Variants in HEATR1 observed in about 807,000 individuals in gnomAD.
The protein encoded by HEATR1 is HEAT repeat-containing protein 1.
HEATR1 carries 77 observed loss-of-function variants against 248.2 expected under a neutral mutation model. The ratio of observed to expected loss-of-function variants is 0.31; its 90% CI spans 0.26 to 0.37. HEATR1 has a LOEUF of 0.37. Among genes scored for constraint, HEATR1 ranks in the 10% least tolerant of loss-of-function variants. The pLI, the probability that HEATR1 is intolerant of heterozygous loss-of-function variation, is 1.00. For synonymous variants in HEATR1, 897 were observed against 923.1 expected, an observed-to-expected ratio of 0.97 and a Z score of 0.51; for missense variants, 2,420 against 2,504.9, an observed-to-expected ratio of 0.97 and a Z score of 0.72.
At chr1:236,588,889 C>T (rs768948) in intron 12 of HEATR1, among the ~76,000 whole-genome samples, 91,901 of 152,064 alleles carry the variant, frequency 0.6, 29,461 homozygotes, top group Non-Finnish European at 0.71. Context: ...GGTGGGAGGA[C>T]TGCTTAAGCC....
intron 5 of HEATR1, among the ~76,000 whole-genome samples, 192 bp downstream of exon 5, chr1:236,597,686 A>G (rs1664213184): frequency 7.8e-6 from 1 of 127,688 alleles, no homozygotes; most frequent in African/African-American, 2.9e-5. Context: ...TTTGGTGATA[A>G]AAGACTGATT....
rs377284390 is a variant in HEATR1 at position 236,574,737 on chromosome 1, A to G, written c.3251T>C (p.Ile1084Thr). Residue 1084 changes from isoleucine to threonine, a missense_variant, in exon 23 of 45, where the codon ATA (isoleucine) becomes ACA (threonine). Physicochemically the swap from Ile to Thr is moderately conservative, Grantham distance 89. Transcript: ENST00000366582. ...LLNEDPKSLD[I>T]FIKAVHTTKE... Reference sequence around the variant, plus strand: ...TGTTGTGTGCACAGCTTTTATAAATATATCTAGACTCTTCGGATCCTCATT... The same window carrying G: ...TGTTGTGTGCACAGCTTTTATAAATGTATCTAGACTCTTCGGATCCTCATT... 3.1e-5 allele frequency: 50 copies of G among 1,613,716 alleles called. No homozygotes were observed. The highest frequency in any genetic ancestry group is 5.3e-5 in the African/African-American group (4 of 74,904).
At chr1:236,570,555 T>C (rs1183178746) in intron 28 of HEATR1, among the ~76,000 whole-genome samples, 1 of 152,064 alleles carries the variant, frequency 6.6e-6, no homozygotes, top group Non-Finnish European at 1.5e-5. Flanking sequence ...GTGATGAAAA[T>C]ACTCTTCAAG....
chr1:236,591,870 G>T (rs2794760), intron 11 of HEATR1, 123 bp downstream of exon 11: 390,288 of 582,046 alleles, frequency 0.67, 134,259 homozygotes, highest in Non-Finnish European at 0.72. Context: ...GCAAACTGTA[G>T]AAGGTTATCT....
At chr1:236,562,990 C>CCTACACTGATCTCTAGATAGTGT (rs1353777622) in intron 32 of HEATR1, among the ~76,000 whole-genome samples, 1 of 152,190 alleles carries the variant, frequency 6.6e-6, no homozygotes, top group African/African-American at 2.4e-5. Flanking sequence ...CAGATCACAA[C>CCTACACTGATCTCTAGATAGTGT]CTACACTGAT....
At chr1:236,551,019 A>G in intron 44 of HEATR1, 29 bp from the exon 45 acceptor site, 1 of 1,519,080 alleles carries the variant, frequency 6.6e-7, no homozygotes, top group Non-Finnish European at 8.9e-7. Context: ...AATCAAAATT[A>G]AAATCTGAGT....
intron 19 of HEATR1, among the ~76,000 whole-genome samples, chr1:236,582,221 CAGCCT>C (rs1158304512): frequency 2.0e-5 from 3 of 151,928 alleles, no homozygotes; most frequent in Admixed American, 1.3e-4. Context: ...TCTCCTGCCT[CAGCCT>C]CCCGAGTAGC....
At chr1:236,578,437 GTGAAA>G (rs1663623919) in intron 20 of HEATR1, among the ~76,000 whole-genome samples, 1 of 152,220 alleles carries the variant, frequency 6.6e-6, no homozygotes, top group Admixed American at 6.5e-5. Flanking sequence ...CAATTATGAA[GTGAAA>G]ACGCTAGCTT....
chr1:236,579,266 A>G (rs1479277089), intron 20 of HEATR1, among the ~76,000 whole-genome samples: 1 of 152,226 alleles, frequency 6.6e-6, no homozygotes. Flanking sequence ...AGCCCCCTGC[A>G]GCTGCAATGT....
At position 236,563,455 on chromosome 1, in the gene HEATR1, G is replaced by C. The variant is rs573611026; in HGVS notation, c.4599+1043C>G. The stretch of plus-strand genomic sequence containing the variant: ...CACCACCACGCCCGGCTAATTTTTT[G>C]TATTTTTTAGTAGAGACCATGTTAG... On this transcript the variant is annotated intron_variant, in intron 32 of 44. Coordinates refer to ENST00000366582, the MANE Select transcript of HEATR1 (RefSeq NM_018072.6). Among the ~76,000 whole-genome samples the C allele has an allele frequency of 2.0e-5, 3 of 151,890 alleles. No individual in the cohort carries two copies. In the South Asian group the frequency reaches 6.2e-4, roughly 32 times the overall value.
intron 28 of HEATR1, among the ~76,000 whole-genome samples, chr1:236,570,355 T>A (rs993092786): frequency 3.3e-5 from 5 of 152,204 alleles, no homozygotes; most frequent in Middle Eastern, 3.4e-3. Context: ...GAGGGCCACA[T>A]ATTGTATGAC....
chr1:236,592,393 C>G, intron 10 of HEATR1, 130 bp downstream of exon 10: 2 of 608,818 alleles, frequency 3.3e-6, no homozygotes, highest in South Asian at 2.0e-5. Flanking sequence ...GATACTCGCC[C>G]CTTCTTGAAG....
At chr1:236,563,292 T>A (rs923361000) in intron 32 of HEATR1, among the ~76,000 whole-genome samples, 73 of 151,884 alleles carry the variant, frequency 4.8e-4, no homozygotes, top group African/African-American at 1.7e-3. Flanking sequence ...TTTTTTTTAT[T>A]TTTTCAGACA....
chr1:236,581,922 G>A (rs1663759613), intron 19 of HEATR1, among the ~76,000 whole-genome samples: 3 of 152,098 alleles, frequency 2.0e-5, no homozygotes, highest in Non-Finnish European at 4.4e-5. Flanking sequence ...TTTAAATATA[G>A]TAATGGGCCT....
chr1:236,563,057 G>A (rs923485704), intron 32 of HEATR1, among the ~76,000 whole-genome samples: 2 of 152,136 alleles, frequency 1.3e-5, no homozygotes, highest in African/African-American at 2.4e-5. Context: ...CTCATTATTA[G>A]TTCTAATTGC....
rs746866917 is a variant in HEATR1, at chr1:236,587,982, A to G, written c.1592T>C (p.Ile531Thr). The G allele has an allele frequency of 6.2e-7, 1 of 1,612,314 alleles. No individual in the cohort carries two copies. Among genetic ancestry groups the G allele is most frequent in the African/African-American group, 1.3e-5 (1 of 74,844 alleles). Residue 531 changes from isoleucine (I) to threonine (T), a missense_variant, in exon 13 of 45, where the codon ATA becomes ACA. Transcript: ENST00000366582. ...ACTTATAGCCGACAAAACAACATCT[A>G]TATTATCATCACCTAATCGGGCTAA... Reference protein sequence around the residue: ...AVLARLGDDNIDVVLSAISAF... With the variant: ...AVLARLGDDNTDVVLSAISAF...
chr1:236,596,717 T>G, intron 6 of HEATR1, 119 bp downstream of exon 6: 1 of 977,000 alleles, frequency 1.0e-6, no homozygotes, highest in Non-Finnish European at 1.5e-6. Flanking sequence ...AGGCTAAATC[T>G]CAGCTATCAT....
chr1:236,552,130 G>T (rs1018614616), intron 43 of HEATR1, 23 bp from the exon 44 acceptor site: 3 of 1,443,934 alleles, frequency 2.1e-6, no homozygotes, highest in African/African-American at 1.4e-5. Context: ...AAAGAGCAAA[G>T]AAATAAAAAG....
At chr1:236,569,930 A>C (rs1341046417) in intron 28 of HEATR1, among the ~76,000 whole-genome samples, 1 of 152,228 alleles carries the variant, frequency 6.6e-6, no homozygotes, top group Non-Finnish European at 1.5e-5. Context: ...ATACACATAC[A>C]ACAATATTAT....
Sources: gnomAD v4.1 joint callset for allele counts (sites outside exome capture counted in the v4.1 genomes callset) on GRCh38, gnomAD v4.1.1 for gene constraint, MANE v1.5 for transcripts, NCBI Gene and HGNC (gene_info 2026-07-23, HGNC 2026-07-21) for gene names.